NLGN1: variants seen among roughly 807,000 people sequenced by gnomAD.
The protein encoded by NLGN1 is neuroligin-1.
NLGN1 carries 12 observed loss-of-function variants against 65.5 expected under a neutral mutation model. The ratio of observed to expected loss-of-function variants is 0.18; its 90% CI spans 0.12 to 0.30. The LOEUF (loss-of-function observed/expected upper bound fraction) is 0.30. Ranked by LOEUF, NLGN1 falls within the 10% of genes least tolerant of loss-of-function variation. The pLI is 1.00. For synonymous variants in NLGN1, 350 were observed against 359.5 expected (o/e 0.97, Z 0.30); for missense variants, 750 against 1,007.1 (o/e 0.74, Z 3.46).
chr3:173,607,503 A>G (rs925054327), intron 3 of NLGN1, among the ~76,000 whole-genome samples: 1 of 151,398 alleles, frequency 6.6e-6, no homozygotes, highest in African/African-American at 2.4e-5. Flanking sequence ...ATGTAATTTT[A>G]TTATATAAAT....
chr3:173,539,717 T>TGC (rs1560406866), intron 2 of NLGN1, among the ~76,000 whole-genome samples: 6 of 129,696 alleles, frequency 4.6e-5, no homozygotes, highest in African/African-American at 1.9e-4. Context: ...TACATATATG[T>TGC]ACATATGCAC....
chr3:173,856,591 A>G (rs1172609857), intron 4 of NLGN1, among the ~76,000 whole-genome samples: 4 of 152,144 alleles, frequency 2.6e-5, no homozygotes, highest in African/African-American at 9.6e-5. Flanking sequence ...CATCAGGGGT[A>G]ATATATGTTG....
At chr3:174,269,694 G>GTA (rs1412370752) in intron 4 of NLGN1, among the ~76,000 whole-genome samples, 13 of 151,944 alleles carry the variant, frequency 8.6e-5, no homozygotes. Flanking sequence ...GAATTCTTTT[G>GTA]TATATATACC....
At chr3:173,699,548 G>A (rs1055886352) in intron 3 of NLGN1, among the ~76,000 whole-genome samples, 7 of 152,154 alleles carry the variant, frequency 4.6e-5, no homozygotes, top group African/African-American at 1.7e-4. Context: ...TTCTTGCAGT[G>A]AATACAAATG....
At chr3:173,869,531 C>A (rs1435501950) in intron 4 of NLGN1, among the ~76,000 whole-genome samples, 2 of 152,086 alleles carry the variant, frequency 1.3e-5, no homozygotes, top group Admixed American at 6.6e-5. Context: ...TAAATCTATA[C>A]CCCAAATCTA....
In NLGN1 at chr3:173,897,915, T is replaced by G. The variant is rs1451433360; in HGVS notation, c.646+90083T>G. ...ATCATTGCAAACAATCAGATTTGCA[T>G]TTGTAAAAGCCATGGTGTACTGTAA... On this transcript the variant is annotated intron_variant, in intron 4 of 6. Coordinates refer to ENST00000457714, the Ensembl canonical transcript of NLGN1. Among the ~76,000 whole-genome samples the G allele has an allele frequency of 2.0e-5, 3 of 152,170 alleles. 1 individual carries two copies. The highest frequency in any genetic ancestry group is 7.2e-5 in the African/African-American group (3 of 41,440).
chr3:173,975,468 C>T (rs1224314905), intron 4 of NLGN1, among the ~76,000 whole-genome samples: 1 of 151,896 alleles, frequency 6.6e-6, no homozygotes, highest in Non-Finnish European at 1.5e-5. Context: ...TAATATTGAT[C>T]ACAGAACAAA....
At chr3:174,271,504 A>C (rs1749398959) in intron 4 of NLGN1, among the ~76,000 whole-genome samples, 1 of 151,794 alleles carries the variant, frequency 6.6e-6, no homozygotes, top group Non-Finnish European at 1.5e-5. Flanking sequence ...CCATACCTTG[A>C]TCACAGTAAT....
At chr3:174,092,545 A>C (rs1744720928) in intron 4 of NLGN1, among the ~76,000 whole-genome samples, 1 of 152,132 alleles carries the variant, frequency 6.6e-6, no homozygotes, top group Non-Finnish European at 1.5e-5. Flanking sequence ...AAGTAATACC[A>C]GTGATGGCAT....
intron 5 of NLGN1, among the ~76,000 whole-genome samples, chr3:174,277,695 ATTT>A (rs755814770): frequency 6.6e-6 from 1 of 151,866 alleles, no homozygotes; most frequent in African/African-American, 2.4e-5. Flanking sequence ...ATACTGTTAG[ATTT>A]TTTTAATATC....
At chr3:173,512,556 A>G (rs994603158) in intron 2 of NLGN1, among the ~76,000 whole-genome samples, 1 of 152,216 alleles carries the variant, frequency 6.6e-6, no homozygotes, top group Non-Finnish European at 1.5e-5. Context: ...TTATAGGCAC[A>G]GGATGGGGAC....
chr3:174,290,273 A>G (rs1752617652), downstream of NLGN1, among the ~76,000 whole-genome samples: 1 of 150,900 alleles, frequency 6.6e-6, no homozygotes, highest in Non-Finnish European at 1.5e-5. Flanking sequence ...TGTTATATCA[A>G]TTCAGAGACA....
intron 3 of NLGN1, among the ~76,000 whole-genome samples, chr3:173,649,792 G>A (rs1758852459): frequency 6.6e-6 from 1 of 151,760 alleles, no homozygotes; most frequent in Non-Finnish European, 1.5e-5. Flanking sequence ...TAGTTCTTTT[G>A]GTCCATATGA....
intron 4 of NLGN1, among the ~76,000 whole-genome samples, chr3:174,129,971 A>T (rs1328334964): frequency 6.6e-6 from 1 of 152,236 alleles, no homozygotes; most frequent in East Asian, 1.9e-4. Flanking sequence ...AACCATTAGG[A>T]TCTGTAAGAG....
chr3:173,620,242 C>A (rs1241107393), intron 3 of NLGN1, among the ~76,000 whole-genome samples: 1 of 152,044 alleles, frequency 6.6e-6, no homozygotes, highest in African/African-American at 2.4e-5. Flanking sequence ...TTACCCAAGG[C>A]AATAACTGTG....
intron 3 of NLGN1, among the ~76,000 whole-genome samples, chr3:173,652,873 A>G (rs3887364): frequency 0.2 from 30,934 of 152,072 alleles, 3,461 homozygotes; most frequent in African/African-American, 0.3. Context: ...CTTCCAATTC[A>G]TGAATGTGGG....
At chr3:174,062,485 AT>A (rs1737634392) in intron 4 of NLGN1, among the ~76,000 whole-genome samples, 2 of 152,020 alleles carry the variant, frequency 1.3e-5, no homozygotes, top group African/African-American at 4.8e-5. Flanking sequence ...CATCTTTTAA[AT>A]TTTTGCTTTT....
chr3:173,816,091 A>G (rs1718988289), intron 4 of NLGN1, among the ~76,000 whole-genome samples: 2 of 149,646 alleles, frequency 1.3e-5, no homozygotes, highest in South Asian at 4.2e-4. Context: ...TTTTAATAAT[A>G]GTTATAATTA....
At chr3:173,813,841 A>C (rs1453916618) in intron 4 of NLGN1, among the ~76,000 whole-genome samples, 1 of 152,228 alleles carries the variant, frequency 6.6e-6, no homozygotes, top group African/African-American at 2.4e-5. Flanking sequence ...TTTCTCTTAC[A>C]TTGTACTACA....
Sources: gnomAD v4.1 joint callset for allele counts (sites outside exome capture counted in the v4.1 genomes callset) on GRCh38, gnomAD v4.1.1 for gene constraint, MANE v1.5 for transcripts, NCBI Gene and HGNC (gene_info 2026-07-23, HGNC 2026-07-21) for gene names.